The following IL7 variants were observed in gnomAD, a reference collection of about 807,000 sequenced individuals.
The protein encoded by IL7 is interleukin 7, also known as interleukin-7.
A neutral mutation model predicts 21.6 loss-of-function variants in IL7; 3 were observed. That is an observed-to-expected ratio of 0.14 (90% CI 0.06 to 0.36). IL7 has a LOEUF of 0.36. IL7 is among the 10% of genes least tolerant of loss of function. The probability of loss-of-function intolerance (pLI) is 1.00; values close to 1 mark genes in which losing one functional copy is unlikely to be tolerated. For missense variants in IL7, 175 were observed against 200.2 expected (o/e 0.87, Z 0.76); for synonymous variants, 62 against 68.1 (o/e 0.91, Z 0.44).
At chr8:78,760,753 T>C in intron 2 of IL7, 8 of 1,549,348 alleles carry the variant, frequency 5.2e-6, no homozygotes, top group Non-Finnish European at 7.0e-6. Context: ...CCTGGTGAGC[T>C]CTGCGGAATT....
chr8:78,712,640 C>G (rs1810986594), intron 3 of IL7, among the ~76,000 whole-genome samples: 2 of 152,082 alleles, frequency 1.3e-5, no homozygotes, highest in African/African-American at 2.4e-5. Flanking sequence ...GCCAAAGAGT[C>G]AAGCTCGAGG....
At chr8:78,720,922 A>G (rs1811224948) in intron 5 of IL7, 1 of 151,972 alleles carries the variant, frequency 6.6e-6, no homozygotes, top group African/African-American at 2.4e-5. Context: ...CTAATTTAAC[A>G]TTATCTAACA....
At chr8:78,772,882 G>A (rs1010609744) in intron 2 of IL7, among the ~76,000 whole-genome samples, 2 of 152,172 alleles carry the variant, frequency 1.3e-5, no homozygotes, top group Admixed American at 6.6e-5. Context: ...AGCTAAAACT[G>A]TCAGGAGCAC....
At chr8:78,693,757 T>C (rs1338316275) in intron 3 of IL7, among the ~76,000 whole-genome samples, 2 of 152,252 alleles carry the variant, frequency 1.3e-5, no homozygotes, top group African/African-American at 4.8e-5. Context: ...TTTGTCAATT[T>C]TGGCTTTTGT....
chr8:78,793,237 A>G (rs11778246), intron 2 of IL7, among the ~76,000 whole-genome samples: 12,123 of 152,202 alleles, frequency 0.08, 587 homozygotes, highest in African/African-American at 0.13. Context: ...GCCAGAGGCT[A>G]GTGATGGGGA....
At chr8:78,728,304 G>A (rs935057159), downstream of IL7, among the ~76,000 whole-genome samples, 2 of 151,796 alleles carry the variant, frequency 1.3e-5, no homozygotes, top group Non-Finnish European at 2.9e-5. Context: ...GAAAGGCAAA[G>A]CAACTAGAAT....
intron 3 of IL7, among the ~76,000 whole-genome samples, chr8:78,688,772 T>C (rs1358143311): frequency 4.6e-5 from 7 of 152,260 alleles, no homozygotes; most frequent in South Asian, 2.1e-4. Context: ...AACTATTTCT[T>C]GACAGTTTTC....
intron 3 of IL7, among the ~76,000 whole-genome samples, chr8:78,692,780 G>A (rs532046685): frequency 6.6e-6 from 1 of 152,034 alleles, no homozygotes; most frequent in South Asian, 2.1e-4. Flanking sequence ...TGTACACAAC[G>A]TGCAGGTTTG....
chr8:78,802,749 T>C (rs1814118850), intron 1 of IL7, among the ~76,000 whole-genome samples: 1 of 152,098 alleles, frequency 6.6e-6, no homozygotes, highest in Admixed American at 6.5e-5. Context: ...TTCCTGTACA[T>C]AATATAGATA....
chr8:78,764,622 A>C (rs1007855558), intron 2 of IL7, among the ~76,000 whole-genome samples: 1 of 152,150 alleles, frequency 6.6e-6, no homozygotes, highest in Admixed American at 6.5e-5. Context: ...AAATCTAAAA[A>C]AAAATGTCCA....
At position 78,761,926 on chromosome 8, in the gene IL7, T is replaced by C. The variant is rs1305679855; in HGVS notation, c.148-21844A>G. 9.9e-6 allele frequency: 16 copies of C among 1,611,404 alleles called. No individual in the cohort carries two copies. In the South Asian group the frequency reaches 1.5e-4, roughly 16 times the overall value. ...TCAGAATCAAGATTTCAAGTAGATATTTGAGGTATTCTTTGTTTTCCTTCT... is the reference window on the plus strand; with the variant it reads ...TCAGAATCAAGATTTCAAGTAGATACTTGAGGTATTCTTTGTTTTCCTTCT... On this transcript the variant is annotated intron_variant, in intron 2 of 5. Transcript: ENST00000263851.
In IL7 at chr8:78,782,818, C is replaced by T. The variant is rs185341290; in HGVS notation, c.147+15254G>A. 7.2e-5 allele frequency among the ~76,000 whole-genome samples: 11 copies of T among 152,140 alleles called. No homozygotes were observed. The East Asian group carries it at 1.7e-3, about 24-fold the overall frequency. On this transcript the variant is annotated intron_variant, in intron 2 of 5. Coordinates refer to ENST00000263851, the MANE Select transcript of IL7 (RefSeq NM_000880.4). ...TCTGCTGATCCACAGAGACAACAGC[C>T]GCTCCTCCCCCCAGAAGCTCCATCC... is the stretch of plus-strand genomic sequence containing the variant.
At chr8:78,745,048 C>T (rs908264194) in intron 2 of IL7, among the ~76,000 whole-genome samples, 15 of 152,180 alleles carry the variant, frequency 9.9e-5, no homozygotes, top group African/African-American at 2.7e-4. Context: ...TGTATTTACT[C>T]GCCCTTTTGT....
intron 2 of IL7, among the ~76,000 whole-genome samples, chr8:78,777,103 G>A (rs1813159385): frequency 1.3e-5 from 2 of 152,036 alleles, no homozygotes; most frequent in South Asian, 2.1e-4. Flanking sequence ...GATCGACAAT[G>A]TCTTCATCGG....
At chr8:78,686,967 C>T (rs1178948059) in intron 3 of IL7, among the ~76,000 whole-genome samples, 1 of 151,902 alleles carries the variant, frequency 6.6e-6, no homozygotes, top group African/African-American at 2.4e-5. Context: ...ATTATGTTGC[C>T]TGGTTCCTTG....
rs139174162 is a variant in IL7, at chr8:78,700,252, G to A, written n.215-14305C>T. Among the ~76,000 whole-genome samples the A allele has an allele frequency of 2.6e-4, 40 of 152,126 alleles. No individual in the cohort carries two copies. The East Asian group carries it at 4.8e-3, about 18-fold the overall frequency. On this transcript the variant is annotated intron_variant and non_coding_transcript_variant, in intron 3 of 4. Coordinates refer to the IL7 transcript ENST00000523959. ...GCTTTTTTTCATATGACAGTTGACC[G>A]CATGTATGTCTTCTTTTGAAAAGTG... is the stretch of plus-strand genomic sequence containing the variant.
chr8:78,797,828 T>G (rs1239394412), intron 2 of IL7: 1 of 315,888 alleles, frequency 3.2e-6, no homozygotes, highest in Non-Finnish European at 5.8e-6. Flanking sequence ...AGAAATTTAC[T>G]AAAAGGGAAA....
chr8:78,686,724 T>C (rs1002875096), intron 3 of IL7: 1 of 1,141,564 alleles, frequency 8.8e-7, no homozygotes, highest in Non-Finnish European at 1.1e-6. Flanking sequence ...TGAGGCATAA[T>C]CTTTAAAATT....
chr8:78,789,953 G>T (rs1023041758), intron 2 of IL7, among the ~76,000 whole-genome samples: 1 of 152,100 alleles, frequency 6.6e-6, no homozygotes, highest in Non-Finnish European at 1.5e-5. Context: ...GTACATCTGG[G>T]TAGAGATATC....
Sources: gnomAD v4.1 joint callset for allele counts (sites outside exome capture counted in the v4.1 genomes callset) on GRCh38, gnomAD v4.1.1 for gene constraint, MANE v1.5 for transcripts, NCBI Gene and HGNC (gene_info 2026-07-23, HGNC 2026-07-21) for gene names.